The following ARHGAP10 variants were observed in gnomAD, a reference collection of about 807,000 sequenced individuals.
ARHGAP10 encodes Rho GTPase activating protein 10, also known as rho GTPase-activating protein 10.
In ARHGAP10, 87 loss-of-function variants were observed where a neutral mutation model predicts 108.6. The ratio of observed to expected loss-of-function variants is 0.80; its 90% CI spans 0.67 to 0.96. The LOEUF is 0.96. Among genes scored for constraint, ARHGAP10 ranks in the 40% least tolerant of loss-of-function variants. ARHGAP10 has a pLI of 0.00. For synonymous variants in ARHGAP10, 347 were observed against 341.1 expected (o/e 1.02, Z -0.19); for missense variants, 939 against 954.5 (o/e 0.98, Z 0.21).
At chr4:147,751,977 C>A (rs1321675393) in intron 1 of ARHGAP10, among the ~76,000 whole-genome samples, 1 of 151,396 alleles carries the variant, frequency 6.6e-6, no homozygotes, top group East Asian at 1.9e-4. Context: ...CCTCTGACTC[C>A]CAGGTTCAAG....
Position 147,831,398 on chromosome 4 carries a change from A to G in ARHGAP10, c.312+8441A>G, listed in dbSNP as rs534800904. ...ATTGCTTGTGAGTTCTTATAGGATA[A>G]GTACCTAAGGCATTAGATGCCATTA... On this transcript the variant is annotated intron_variant, in intron 3 of 22. Transcript: ENST00000336498. Among the ~76,000 whole-genome samples the G allele has an allele frequency of 2.4e-4, 36 of 152,338 alleles. 1 individual carries two copies. In the South Asian group the frequency reaches 7.5e-3, roughly 32 times the overall value.
chr4:147,897,688 T>C (rs892675614), intron 10 of ARHGAP10, among the ~76,000 whole-genome samples: 6 of 152,188 alleles, frequency 3.9e-5, no homozygotes, highest in African/African-American at 1.4e-4. Context: ...TAATTCTACA[T>C]ACACTATGAA....
intron 16 of ARHGAP10, among the ~76,000 whole-genome samples, chr4:147,958,807 C>G (rs1475708544): frequency 2.0e-5 from 3 of 152,278 alleles, no homozygotes; most frequent in Non-Finnish European, 2.9e-5. Context: ...ATTTATCTGC[C>G]TCTGTGTCTT....
chr4:147,949,839 A>C (rs1376112460), intron 15 of ARHGAP10, among the ~76,000 whole-genome samples: 1 of 56,730 alleles, frequency 1.8e-5, no homozygotes, highest in African/African-American at 2.9e-5. Context: ...AATAAATTGC[A>C]TTCTTTTTTC....
At chr4:147,885,033 G>C (rs563725565) in intron 10 of ARHGAP10, among the ~76,000 whole-genome samples, 2 of 152,070 alleles carry the variant, frequency 1.3e-5, no homozygotes, top group Non-Finnish European at 2.9e-5. Flanking sequence ...GGAGCCAAGT[G>C]GGGTAGATTT....
chr4:148,025,110 G>A (rs549982087), intron 19 of ARHGAP10, among the ~76,000 whole-genome samples: 1 of 152,276 alleles, frequency 6.6e-6, no homozygotes, highest in East Asian at 1.9e-4. Context: ...GATTATTAAT[G>A]GTAAGAAGTT....
intron 20 of ARHGAP10, among the ~76,000 whole-genome samples, chr4:148,049,588 T>C (rs539913220): frequency 6.6e-6 from 1 of 152,046 alleles, no homozygotes; most frequent in Non-Finnish European, 1.5e-5. Context: ...CCGGGAAGTC[T>C]TCCCCATGCT....
chr4:148,034,441 C>A (rs568020538), intron 19 of ARHGAP10, among the ~76,000 whole-genome samples: 1 of 151,994 alleles, frequency 6.6e-6, no homozygotes, highest in South Asian at 2.1e-4. Context: ...CCTCAGCTTC[C>A]TGAGTAGCTG....
At chr4:147,985,297 A>G (rs1356053514) in intron 18 of ARHGAP10, among the ~76,000 whole-genome samples, 1 of 152,088 alleles carries the variant, frequency 6.6e-6, no homozygotes, top group Non-Finnish European at 1.5e-5. Flanking sequence ...TGGGTGGCTC[A>G]GGCTACTGAT....
At chr4:147,776,185 C>CAA (rs1730281554) in intron 1 of ARHGAP10, among the ~76,000 whole-genome samples, 1 of 152,254 alleles carries the variant, frequency 6.6e-6, no homozygotes, top group South Asian at 2.1e-4. Context: ...ATACAACCTA[C>CAA]TGCTAATGAG....
At chr4:148,036,358 C>G (rs1355526565) in intron 19 of ARHGAP10, among the ~76,000 whole-genome samples, 1 of 151,978 alleles carries the variant, frequency 6.6e-6, no homozygotes, top group East Asian at 1.9e-4. Flanking sequence ...TTGGTGTGTC[C>G]CCGCCCAGAT....
intron 4 of ARHGAP10, among the ~76,000 whole-genome samples, chr4:147,847,591 T>C (rs1733688396): frequency 6.6e-6 from 1 of 152,210 alleles, no homozygotes; most frequent in Non-Finnish European, 1.5e-5. Context: ...TTTAAGATTA[T>C]AGACGCTGCC....
At chr4:148,029,620 C>A (rs1728043906) in intron 19 of ARHGAP10, among the ~76,000 whole-genome samples, 1 of 152,162 alleles carries the variant, frequency 6.6e-6, no homozygotes, top group African/African-American at 2.4e-5. Flanking sequence ...ACTAAGCAGA[C>A]CTTTGCATTA....
In ARHGAP10 at chr4:147,907,314, T is replaced by G. The variant is rs192249152; in HGVS notation, c.1116+595T>G. On this transcript the variant is annotated intron_variant, in intron 11 of 22. Transcript: ENST00000336498. The stretch of plus-strand genomic sequence containing the variant: ...CACTACTTTCATTTTGATGGACTAG[T>G]GGCTTTTGAGAGTTGAGAATGTGGC... 4.5e-4 allele frequency among the ~76,000 whole-genome samples: 68 copies of G among 152,334 alleles called. 1 individual carries two copies. The highest frequency in any genetic ancestry group is 1.5e-3 in the African/African-American group (62 of 41,584).
chr4:147,947,418 T>G (rs988249292), intron 15 of ARHGAP10, among the ~76,000 whole-genome samples: 65 of 151,934 alleles, frequency 4.3e-4, no homozygotes, highest in African/African-American at 1.5e-3. Context: ...CTTTTTTTTT[T>G]TAAGATGAAG....
intron 13 of ARHGAP10, among the ~76,000 whole-genome samples, chr4:147,920,787 A>C (rs1360137796): frequency 6.6e-6 from 1 of 152,238 alleles, no homozygotes; most frequent in Non-Finnish European, 1.5e-5. Flanking sequence ...ATGTTAATTG[A>C]GGACTGTCTT....
intron 1 of ARHGAP10, among the ~76,000 whole-genome samples, chr4:147,799,579 T>A (rs1037427354): frequency 9.9e-5 from 15 of 152,204 alleles, no homozygotes; most frequent in African/African-American, 3.6e-4. Context: ...TGATTTTTTT[T>A]ATCCTGTCAT....
intron 16 of ARHGAP10, among the ~76,000 whole-genome samples, chr4:147,958,699 C>G (rs2126988206): frequency 6.6e-6 from 1 of 152,302 alleles, no homozygotes; most frequent in African/African-American, 2.4e-5. Context: ...GACTGAAGCC[C>G]TTTATCCCTT....
At chr4:148,005,698 T>G in intron 18 of ARHGAP10, among the ~76,000 whole-genome samples, 1 of 152,348 alleles carries the variant, frequency 6.6e-6, no homozygotes, top group Non-Finnish European at 1.5e-5. Context: ...AATCTGATTC[T>G]TCTTTGAGTT....
Sources: allele counts gnomAD v4.1 joint callset (sites outside exome capture counted in the v4.1 genomes callset), GRCh38; gene constraint gnomAD v4.1.1; transcripts MANE v1.5; gene names NCBI Gene and HGNC (gene_info 2026-07-23, HGNC 2026-07-21).